CCNE2: variants seen among roughly 807,000 people sequenced by gnomAD.
CCNE2 encodes cyclin E2.
CCNE2 carries 18 observed loss-of-function variants against 56.8 expected under a neutral mutation model. That is an observed-to-expected ratio of 0.32 (90% CI 0.22 to 0.47). CCNE2 has a LOEUF of 0.47. CCNE2 is among the 20% of genes least tolerant of loss of function. The probability of loss-of-function intolerance (pLI) is 1.00; values close to 1 mark genes in which losing one functional copy is unlikely to be tolerated. For synonymous variants in CCNE2, 139 were observed against 149.2 expected, an observed-to-expected ratio of 0.93 and a Z score of 0.50; for missense variants, 371 against 467.1, an observed-to-expected ratio of 0.79 and a Z score of 1.90.
intron 7 of CCNE2, among the ~76,000 whole-genome samples, chr8:94,886,418 C>G (rs749103566): frequency 2.0e-5 from 3 of 151,670 alleles, no homozygotes; most frequent in Non-Finnish European, 4.4e-5. Context: ...AAGGAGACAC[C>G]CTGCCGGGTG....
At position 94,885,487 on chromosome 8, in the gene CCNE2, T is replaced by G. The variant is rs139784834; in HGVS notation, c.672A>C (p.Leu224Phe). The G allele has an allele frequency of 1.2e-6, 2 of 1,603,438 alleles. No homozygotes were observed. Among genetic ancestry groups the G allele is most frequent in the Admixed American group, 1.7e-5 (1 of 59,426 alleles). Residue 224 changes from leucine to phenylalanine, a missense_variant, in exon 8 of 12, where the codon TTA becomes TTC. Coordinates refer to ENST00000308108, the MANE Select transcript of CCNE2 (RefSeq NM_057749.3). ...CCTTTAATATAATGAGTTCCATCCT[T>G]AAGATATCCTCTTCACTGCAAGCAC... ...TDGACSEEDI[L>F]RMELIILKAL...
chr8:94,895,305 C>T (rs1168413620), upstream of CCNE2: 9 of 962,988 alleles, frequency 9.3e-6, no homozygotes, highest in Non-Finnish European at 1.1e-5. Flanking sequence ...CTCTCCCGCC[C>T]GTCCGCCCGC....
At chr8:94,882,928 G>A (rs1816882098) in intron 9 of CCNE2, 36 bp from the exon 10 acceptor site, 1 of 1,304,372 alleles carries the variant, frequency 7.7e-7, no homozygotes, top group Non-Finnish European at 1.1e-6. Context: ...CAATTTAGGA[G>A]AAAGATGAGT....
intron 9 of CCNE2, chr8:94,883,812 G>A (rs905705467): frequency 2.2e-5 from 10 of 451,884 alleles, no homozygotes; most frequent in Non-Finnish European, 3.6e-5. Context: ...GAATGGTATA[G>A]TGTAAAAGGG....
At chr8:94,884,104 T>C (rs1392969768) in intron 9 of CCNE2, among the ~76,000 whole-genome samples, 2 of 152,096 alleles carry the variant, frequency 1.3e-5, no homozygotes, top group African/African-American at 4.8e-5. Context: ...ATAAACCAAT[T>C]TCAGTATACT....
intron 7 of CCNE2, among the ~76,000 whole-genome samples, chr8:94,887,042 T>A (rs770957324): frequency 6.6e-6 from 1 of 152,170 alleles, no homozygotes; most frequent in Non-Finnish European, 1.5e-5. Context: ...ACTTAAAAAA[T>A]TAATATATGA....
chr8:94,893,767 T>C (rs1817332360), intron 4 of CCNE2, 124 bp downstream of exon 4: 2 of 1,009,432 alleles, frequency 2.0e-6, no homozygotes, highest in Admixed American at 2.0e-5. Context: ...CCTGCTGACC[T>C]CTAGGGGCAT....
intron 5 of CCNE2, chr8:94,891,670 A>AC (rs1487446429): frequency 1.9e-6 from 1 of 524,412 alleles, no homozygotes; most frequent in African/African-American, 2.0e-5. Context: ...AAAAAAAAAA[A>AC]AAAAAAAAAA....
At position 94,881,517 on chromosome 8, in the gene CCNE2, T is replaced by C. The variant is rs1233683375; in HGVS notation, c.*115A>G. ...AAAATCAGAATGGCAGTGTAACTTG[T>C]GAATTGGCTAGGGCAATCAATCACA... On this transcript the variant is annotated 3_prime_UTR_variant, in exon 12 of 12. Transcript: ENST00000308108. 1 of 955,210 alleles carries C rather than the reference T, an allele frequency of 1.0e-6. No homozygotes were observed. Among genetic ancestry groups the C allele is most frequent in the African/African-American group, 1.7e-5 (1 of 59,928 alleles). The allele number at this position is 955,210 out of a possible 1,614,324, so 59.2% of individuals were successfully genotyped here. A position where few individuals can be genotyped will look rare whatever the true frequency, so the allele number is the denominator to read the frequency against.
intron 1 of CCNE2, chr8:94,894,568 C>T: frequency 3.7e-6 from 1 of 270,422 alleles, no homozygotes; most frequent in Non-Finnish European, 7.0e-6. Flanking sequence ...CCCCGTACAC[C>T]GGGAGTGGGG....
chr8:94,887,739 C>T (rs1817090481), intron 7 of CCNE2, among the ~76,000 whole-genome samples, 188 bp downstream of exon 7: 1 of 152,154 alleles, frequency 6.6e-6, no homozygotes, highest in Non-Finnish European at 1.5e-5. Flanking sequence ...AAGGCTCAGA[C>T]ATTACAGAGG....
At position 94,888,002 on chromosome 8, in the gene CCNE2, C is replaced by A; in HGVS notation, c.525G>T (p.Leu175Phe). The A allele has an allele frequency of 6.3e-7, 1 of 1,594,000 alleles. No homozygotes were observed. The highest frequency in any genetic ancestry group is 1.1e-5 in the South Asian group (1 of 88,278). The change falls in exon 7 of 12, where the codon TTG becomes TTT. Residue 175 changes from leucine to phenylalanine, a missense_variant. Transcript: ENST00000308108. ...LAQDFFDRFM[L>F]TQKDINKNML... The stretch of plus-strand genomic sequence containing the variant: ...TATTTTTATTTATATCCTTTTGTGT[C>A]AACATAAATCTATCAAAAAAGTCTT...
chr8:94,882,057 C>T (rs1816838329), intron 11 of CCNE2, 75 bp downstream of exon 11: 27 of 1,405,206 alleles, frequency 1.9e-5, no homozygotes, highest in Non-Finnish European at 2.5e-5. Flanking sequence ...TGAAGGAGTA[C>T]TCTATTCCTA....
chr8:94,888,055 G>C lies in CCNE2; in HGVS notation c.472C>G (p.Leu158Val). 1 of 1,575,296 alleles carries C rather than the reference G, an allele frequency of 6.3e-7. No individual in the cohort carries two copies. The highest frequency in any genetic ancestry group is 8.6e-7 in the Non-Finnish European group (1 of 1,161,426). The part of the protein sequence containing the change: ...WLLEVCEVYT[L>V]HRETFYLAQD... ...GCAAGATAAAATGTTTCCCTATGAA[G>C]TGTGTATACTTCACATACCTAGAGA... The change falls in exon 7 of 12, where the codon CTT becomes GTT. Residue 158 changes from leucine to valine, a missense_variant. Transcript: ENST00000308108.
At chr8:94,885,331 C>T in intron 8 of CCNE2, 130 bp from the exon 9 acceptor site, 1 of 1,064,318 alleles carries the variant, frequency 9.4e-7, no homozygotes, top group Non-Finnish European at 1.4e-6. Context: ...ATGCATTAAC[C>T]TCTTAGAACT....
upstream of CCNE2, chr8:94,895,225 T>C (rs934129765): frequency 3.1e-5 from 31 of 984,436 alleles, no homozygotes; most frequent in Non-Finnish European, 3.7e-5. Flanking sequence ...GCCAACCCAA[T>C]ATATAGGCCG....
At chr8:94,891,457 G>A (rs1399846650) in intron 5 of CCNE2, 2 of 278,120 alleles carry the variant, frequency 7.2e-6, no homozygotes, top group Middle Eastern at 1.3e-3. Context: ...TCAGGAGTTC[G>A]AGACCAGCCT....
At chr8:94,892,225 T>C (rs1817274710) in intron 5 of CCNE2, 2 of 379,088 alleles carry the variant, frequency 5.3e-6, no homozygotes, top group African/African-American at 2.1e-5. Flanking sequence ...CAATCACCTC[T>C]AAATAGATCA....
chr8:94,881,470 T>C lies in CCNE2; in HGVS notation c.*162A>G. ...ACATAGGAAATAATTAAATGTATTC[T>C]TTAGTGCCAATTGTAAGTTTTAAAA... On this transcript the variant is annotated 3_prime_UTR_variant, in exon 12 of 12. Transcript: ENST00000308108. The C allele has an allele frequency of 4.7e-6, 3 of 635,956 alleles. No individual in the cohort carries two copies. In the South Asian group the frequency reaches 6.3e-5, roughly 13 times the overall value. The allele number at this position is 635,956 out of a possible 1,614,324, so 39.4% of individuals were successfully genotyped here. A position where few individuals can be genotyped will look rare whatever the true frequency, so the allele number is the denominator to read the frequency against.
Sources: allele counts gnomAD v4.1 joint callset (sites outside exome capture counted in the v4.1 genomes callset), GRCh38; gene constraint gnomAD v4.1.1; transcripts MANE v1.5; gene names NCBI Gene and HGNC (gene_info 2026-07-23, HGNC 2026-07-21).